The following CHD9 variants were observed in gnomAD, a reference collection of about 807,000 sequenced individuals.
CHD9 encodes chromodomain helicase DNA binding protein 9, also known as ATP-dependent chromatin remodeler CHD9.
In CHD9, 77 loss-of-function variants were observed where a neutral mutation model predicts 316.1. The observed-to-expected ratio is 0.24, with a 90% CI of 0.20 to 0.29. CHD9 has a LOEUF of 0.29. Ranked by LOEUF, CHD9 falls within the 10% of genes least tolerant of loss-of-function variation. The pLI is 1.00. For synonymous variants in CHD9, 1,129 were observed against 1,158.3 expected (o/e 0.97, Z 0.51); for missense variants, 2,763 against 3,438.1 (o/e 0.80, Z 4.91).
intron 28 of CHD9, 99 bp downstream of exon 28, chr16:53,291,866 T>A: frequency 1.4e-6 from 1 of 739,094 alleles, no homozygotes; most frequent in Non-Finnish European, 2.1e-6. Flanking sequence ...ATGTTTCATA[T>A]ATAAAAATTT....
intron 2 of CHD9, among the ~76,000 whole-genome samples, chr16:53,201,540 T>A (rs1172583228): frequency 6.6e-6 from 1 of 152,226 alleles, no homozygotes; most frequent in African/African-American, 2.4e-5. Context: ...TTAGTCCTTG[T>A]TGCTTATCAT....
chr16:53,302,676 TC>T (rs2055554939), intron 30 of CHD9, among the ~76,000 whole-genome samples: 1 of 152,190 alleles, frequency 6.6e-6, no homozygotes, highest in Non-Finnish European at 1.5e-5. Context: ...GATGTTTCAT[TC>T]TCTCTCATCT....
intron 16 of CHD9, 90 bp from the exon 17 acceptor site, chr16:53,249,781 G>T: frequency 2.0e-6 from 2 of 998,858 alleles, no homozygotes; most frequent in Non-Finnish European, 3.1e-6. Context: ...AAAACATAAT[G>T]CTGCAGGAAA....
intron 1 of CHD9, among the ~76,000 whole-genome samples, chr16:53,083,160 C>G (rs1462891313): frequency 6.6e-6 from 1 of 152,208 alleles, no homozygotes; most frequent in African/African-American, 2.4e-5. Flanking sequence ...ATTGTATTTC[C>G]TGAAGTATGA....
At chr16:53,106,207 G>A (rs1376563396) in intron 1 of CHD9, among the ~76,000 whole-genome samples, 1 of 152,118 alleles carries the variant, frequency 6.6e-6, no homozygotes, top group African/African-American at 2.4e-5. Context: ...TCAGCACATT[G>A]GTCAGTTAGT....
At chr16:53,316,967 G>A (rs1225439850) in intron 36 of CHD9, among the ~76,000 whole-genome samples, 1 of 152,086 alleles carries the variant, frequency 6.6e-6, no homozygotes, top group Non-Finnish European at 1.5e-5. Flanking sequence ...GCGAGGCCGA[G>A]GCGGGCAGAT....
intron 17 of CHD9, 200 bp downstream of exon 17, chr16:53,250,266 T>TA (rs2050014311): frequency 5.5e-6 from 3 of 542,694 alleles, no homozygotes; most frequent in Non-Finnish European, 9.6e-6. Flanking sequence ...TTTACTTTTT[T>TA]ATATGTCTCA....
At chr16:53,306,492 C>A in intron 32 of CHD9, 95 bp downstream of exon 32, 2 of 1,037,170 alleles carry the variant, frequency 1.9e-6, no homozygotes, top group Non-Finnish European at 2.6e-6. Flanking sequence ...AAACATAGGT[C>A]AGCGTAAAAT....
At chr16:53,295,147 G>A (rs564438829) in intron 29 of CHD9, among the ~76,000 whole-genome samples, 10 of 152,192 alleles carry the variant, frequency 6.6e-5, no homozygotes, top group African/African-American at 1.4e-4. Flanking sequence ...TCTTTCTTGA[G>A]ACGGAGTCTC....
chr16:53,230,232 C>T (rs1018582104), intron 8 of CHD9, among the ~76,000 whole-genome samples: 1 of 152,168 alleles, frequency 6.6e-6, no homozygotes, highest in Non-Finnish European at 1.5e-5. Flanking sequence ...CTCTGTACCC[C>T]AGTACTGGTG....
chr16:53,260,986 G>A (rs966993842), intron 19 of CHD9, among the ~76,000 whole-genome samples: 4 of 151,660 alleles, frequency 2.6e-5, no homozygotes, highest in African/African-American at 9.7e-5. Flanking sequence ...CAGGGATTAG[G>A]ATGAGGTATC....
intron 10 of CHD9, among the ~76,000 whole-genome samples, chr16:53,233,438 C>T (rs2048350853): frequency 6.6e-6 from 1 of 152,118 alleles, no homozygotes; most frequent in South Asian, 2.1e-4. Flanking sequence ...AGTTCTTGTT[C>T]ACCTTTCTGT....
At chr16:53,296,434 AT>A (rs35618799) in intron 29 of CHD9, among the ~76,000 whole-genome samples, 246 of 101,750 alleles carry the variant, frequency 2.4e-3, no homozygotes, top group East Asian at 7.3e-3. Flanking sequence ...TTAAAAGTAA[AT>A]TTTTTTTTTT....
In CHD9 at chr16:53,222,723, C is replaced by A; in HGVS notation, c.1864C>A (p.Pro622Thr). 1 of 1,565,608 alleles carries A rather than the reference C, an allele frequency of 6.4e-7. No individual in the cohort carries two copies. ...TGAAATATCTGATGCAGAACAGATG[C>A]CACAGCATACATTAAAAGATCAAGA... ...SDEISDAEQMPQHTLKDQDSQ... is the reference protein window; with the variant it reads ...SDEISDAEQMTQHTLKDQDSQ... Residue 622 changes from proline (P) to threonine (T), a missense_variant, in exon 4 of 39, where the codon CCA becomes ACA. By Grantham distance (38) the Pro-to-Thr change is conservative (BLOSUM62 -1). Coordinates refer to ENST00000447540, the MANE Select transcript of CHD9 (RefSeq NM_001308319.2).
At position 53,245,652 on chromosome 16, in the gene CHD9, G is replaced by A. The variant is rs755697192; in HGVS notation, c.3256G>A (p.Val1086Met). 5 of 1,606,888 alleles carry A rather than the reference G, an allele frequency of 3.1e-6. No homozygotes were observed. The highest frequency in any genetic ancestry group is 4.2e-6 in the Non-Finnish European group (5 of 1,177,564). ...PMMLRRLKEDVEKKLAPKEET... is the reference protein window; with the variant it reads ...PMMLRRLKEDMEKKLAPKEET... ...GATGTTGAGACGATTAAAAGAAGAT[G>A]TGGAAAAGAAGTTGGCACCTAAAGA... The change falls in exon 15 of 39, where the codon GTG becomes ATG. Residue 1086 changes from valine to methionine, a missense_variant. Val to Met is a conservative substitution (Grantham distance 21). This residue lies in a region of CHD9 where 155 missense variants were observed against 291.8 expected (regional missense o/e 0.53). Coordinates refer to ENST00000447540, the MANE Select transcript of CHD9 (RefSeq NM_001308319.2). The surrounding 1 kb of genome is among the most constrained non-coding windows in gnomAD (Gnocchi z 4.1).
intron 34 of CHD9, 100 bp from the exon 35 acceptor site, chr16:53,314,277 A>C: frequency 1.3e-6 from 1 of 788,996 alleles, no homozygotes; most frequent in Non-Finnish European, 1.9e-6. Flanking sequence ...AAGATGTATA[A>C]AATAAGAACT....
chr16:53,212,489 T>G (rs2152879333), intron 3 of CHD9, among the ~76,000 whole-genome samples: 1 of 152,320 alleles, frequency 6.6e-6, no homozygotes, highest in South Asian at 2.1e-4. Flanking sequence ...GGTGTTTATT[T>G]AACCCATATA....
intron 24 of CHD9, among the ~76,000 whole-genome samples, chr16:53,282,881 C>T (rs1212932981): frequency 1.3e-5 from 2 of 152,024 alleles, no homozygotes; most frequent in Non-Finnish European, 2.9e-5. Flanking sequence ...TTTTCTGTCT[C>T]TTAGAGGTCA....
intron 1 of CHD9, among the ~76,000 whole-genome samples, chr16:53,146,740 A>G (rs908405382): frequency 6.6e-6 from 1 of 151,430 alleles, no homozygotes; most frequent in Non-Finnish European, 1.5e-5. Flanking sequence ...CAGAGGTTAC[A>G]GTGAACCGAG....
Sources: allele counts gnomAD v4.1 joint callset (sites outside exome capture counted in the v4.1 genomes callset), GRCh38; gene constraint gnomAD v4.1.1; regional missense constraint gnomAD v4.1.1; non-coding constraint Gnocchi (gnomAD v3.1); transcripts MANE v1.5; gene names NCBI Gene and HGNC (gene_info 2026-07-23, HGNC 2026-07-21).